MEGF9: variants seen among roughly 807,000 people sequenced by gnomAD.
MEGF9 encodes multiple EGF like domains 9.
Under a neutral mutation model 46.8 loss-of-function variants are expected in MEGF9, and 6 were observed. That is an observed-to-expected ratio of 0.13 (90% CI 0.07 to 0.25). The LOEUF (loss-of-function observed/expected upper bound fraction) is 0.25. Ranked by LOEUF, MEGF9 falls within the 10% of genes least tolerant of loss-of-function variation. The pLI, the probability that MEGF9 is intolerant of heterozygous loss-of-function variation, is 1.00. For synonymous variants in MEGF9, 302 were observed against 330.7 expected (o/e 0.91, Z 0.94); for missense variants, 683 against 792.4 (o/e 0.86, Z 1.66).
At chr9:120,674,513 A>C (rs970163953) in intron 1 of MEGF9, among the ~76,000 whole-genome samples, 6 of 152,226 alleles carry the variant, frequency 3.9e-5, no homozygotes, top group Non-Finnish European at 7.3e-5. Context: ...GTAGAACTCT[A>C]GTACAATGTT....
At chr9:120,629,927 C>T (rs556905416) in intron 2 of MEGF9, among the ~76,000 whole-genome samples, 62 of 149,016 alleles carry the variant, frequency 4.2e-4, no homozygotes, top group South Asian at 1.7e-3. Flanking sequence ...AGTGAGACTC[C>T]GTCTCAAAAA....
At chr9:120,673,297 C>T (rs1174690603) in intron 1 of MEGF9, among the ~76,000 whole-genome samples, 1 of 151,758 alleles carries the variant, frequency 6.6e-6, no homozygotes, top group Non-Finnish European at 1.5e-5. Context: ...AATCAAAATC[C>T]CAGAAGGATT....
chr9:120,652,590 G>A, intron 2 of MEGF9, among the ~76,000 whole-genome samples: 1 of 134,216 alleles, frequency 7.5e-6, no homozygotes, highest in Admixed American at 7.4e-5. Context: ...GTGGACACAG[G>A]CACACACACA....
At chr9:120,648,636 G>A (rs2043635679) in intron 2 of MEGF9, among the ~76,000 whole-genome samples, 1 of 152,228 alleles carries the variant, frequency 6.6e-6, no homozygotes, top group South Asian at 2.1e-4. Context: ...CAAATGCAAT[G>A]TCTTTTTAAA....
rs752922580 is a variant in MEGF9, at chr9:120,659,339, T to TAA, written c.803+33_803+34dup. 1.2e-5 allele frequency: 19 copies of TAA among 1,581,864 alleles called. No homozygotes were observed. In the South Asian group the frequency reaches 2.2e-4, roughly 18 times the overall value. On this transcript the variant is annotated intron_variant, in intron 2 of 5. Coordinates refer to ENST00000373930, the MANE Select transcript of MEGF9 (RefSeq NM_001080497.3). Reference sequence around the variant, plus strand: ...AGCCTTTTTTTTCCCCTTGCTAAAATAAAATAAACTTCAGTTCCACCCTCT... The same window carrying TAA: ...AGCCTTTTTTTTCCCCTTGCTAAAATAAAAAATAAACTTCAGTTCCACCCTCT...
intron 1 of MEGF9, among the ~76,000 whole-genome samples, chr9:120,664,331 T>C (rs1008761481): frequency 6.6e-6 from 1 of 152,224 alleles, no homozygotes; most frequent in African/African-American, 2.4e-5. Flanking sequence ...TGTGATTGTA[T>C]GTCCTAATGA....
chr9:120,627,486 G>A (rs1026397454), intron 2 of MEGF9, among the ~76,000 whole-genome samples: 6 of 151,940 alleles, frequency 3.9e-5, no homozygotes, highest in Non-Finnish European at 5.9e-5. Context: ...TTGAGATGGA[G>A]TCTTGCTCTG....
In MEGF9 at chr9:120,603,240, C is replaced by G. The variant is rs1473572528; in HGVS notation, c.*1950G>C. The stretch of plus-strand genomic sequence containing the variant: ...AGCCTTTTCATCTATAAAATGGGGA[C>G]AACAATTACTTCCTCAGGGGGCTAT... On this transcript the variant is annotated 3_prime_UTR_variant, in exon 6 of 6. Transcript: ENST00000373930. 6.6e-6 allele frequency: 1 copy of G among 152,106 alleles called. No homozygotes were observed. Among genetic ancestry groups the G allele is most frequent in the Non-Finnish European group, 1.5e-5 (1 of 68,022 alleles). The allele number at this position is 152,106 out of a possible 1,614,324, so 9.4% of individuals were successfully genotyped here.
intron 1 of MEGF9, among the ~76,000 whole-genome samples, chr9:120,692,983 T>C (rs7035526): frequency 0.039 from 5,861 of 152,214 alleles, 381 homozygotes; most frequent in African/African-American, 0.13. Flanking sequence ...TCCATATCCT[T>C]CGCTATGTTC....
intron 2 of MEGF9, among the ~76,000 whole-genome samples, chr9:120,649,669 T>C (rs1211025270): frequency 6.6e-6 from 1 of 152,236 alleles, no homozygotes; most frequent in Non-Finnish European, 1.5e-5. Flanking sequence ...TTTATTTCAA[T>C]GTTTATTATT....
chr9:120,608,081 GT>G, intron 4 of MEGF9, 71 bp from the exon 5 acceptor site: 4 of 1,532,656 alleles, frequency 2.6e-6, no homozygotes, highest in South Asian at 1.2e-5. Flanking sequence ...ACAACTACTA[GT>G]CCTTAAAAAG....
intron 2 of MEGF9, among the ~76,000 whole-genome samples, chr9:120,655,583 C>G (rs994376463): frequency 1.3e-5 from 2 of 152,104 alleles, no homozygotes; most frequent in African/African-American, 4.8e-5. Flanking sequence ...CACTGAATAT[C>G]ACATATTCCA....
chr9:120,661,310 T>C (rs1587987781), intron 1 of MEGF9, among the ~76,000 whole-genome samples: 1 of 152,166 alleles, frequency 6.6e-6, no homozygotes, highest in Non-Finnish European at 1.5e-5. Flanking sequence ...GCTCAGGAGT[T>C]TGAGACCAGC....
rs377469899 is a variant in MEGF9 at position 120,605,613 on chromosome 9, A to T, written c.1386T>A (p.Ser462=). The T allele has an allele frequency of 3.3e-5, 52 of 1,586,686 alleles. No homozygotes were observed. Among genetic ancestry groups the T allele is most frequent in the Middle Eastern group, 1.7e-4 (1 of 6,054 alleles). The change falls in exon 6 of 6, where the codon TCT becomes TCA. Residue 462 remains serine, a synonymous_variant. Transcript: ENST00000373930. This position sits in a 1 kb window ranked among gnomAD's most constrained non-coding sequence, Gnocchi z 4.0. ...KEVILPTPEG[S]TILVSNASLT... ...AAGAGGCATTGGAAACCAAAATGGT[A>T]GAACCTTCAGGTGTTGGAAGAATAA...
rs996710424 is a variant in MEGF9, at chr9:120,604,458, C to T, written c.*732G>A. Reference sequence around the variant, plus strand: ...ACGTCGACCAGATATGCTACATTAACTATGTACACCTTATTTCTCTAGAGG... The same window carrying T: ...ACGTCGACCAGATATGCTACATTAATTATGTACACCTTATTTCTCTAGAGG... On this transcript the variant is annotated 3_prime_UTR_variant, in exon 6 of 6. Coordinates refer to ENST00000373930, the MANE Select transcript of MEGF9 (RefSeq NM_001080497.3). The T allele has an allele frequency of 6.6e-6, 1 of 152,498 alleles. No homozygotes were observed. The highest frequency in any genetic ancestry group is 1.9e-4 in the East Asian group (1 of 5,194). 9.4% of individuals were successfully genotyped at this position (152,498 alleles called of 1,614,324 possible).
intron 1 of MEGF9, among the ~76,000 whole-genome samples, chr9:120,666,002 T>C (rs1179562648): frequency 1.3e-5 from 2 of 152,214 alleles, no homozygotes; most frequent in Non-Finnish European, 2.9e-5. Context: ...ACTATAGTTT[T>C]GTAGTATATT....
At chr9:120,638,435 G>A (rs140612668) in intron 2 of MEGF9, among the ~76,000 whole-genome samples, 1 of 152,302 alleles carries the variant, frequency 6.6e-6, no homozygotes, top group Admixed American at 6.5e-5. Flanking sequence ...ACAAAAACCT[G>A]CTTAAATTGA....
intron 1 of MEGF9, among the ~76,000 whole-genome samples, chr9:120,705,028 C>A (rs1286330725): frequency 6.6e-6 from 1 of 151,722 alleles, no homozygotes. Context: ...AAAGTTTTTT[C>A]TTTATTGTTC....
At chr9:120,683,756 T>C (rs2043809127) in intron 1 of MEGF9, among the ~76,000 whole-genome samples, 2 of 151,854 alleles carry the variant, frequency 1.3e-5, no homozygotes, top group Non-Finnish European at 2.9e-5. Flanking sequence ...TAGCCAGGTG[T>C]GGGGGCACAC....
Sources: allele counts gnomAD v4.1 joint callset (sites outside exome capture counted in the v4.1 genomes callset), GRCh38; gene constraint gnomAD v4.1.1; non-coding constraint Gnocchi (gnomAD v3.1); transcripts MANE v1.5; gene names NCBI Gene and HGNC (gene_info 2026-07-23, HGNC 2026-07-21).